LRRC49: variants seen among roughly 807,000 people sequenced by gnomAD.
The protein encoded by LRRC49 is leucine-rich repeat-containing protein 49.
A neutral mutation model predicts 83.3 loss-of-function variants in LRRC49; 50 were observed. That is an observed-to-expected ratio of 0.60 (90% confidence interval 0.48 to 0.76). The LOEUF is 0.76. LRRC49 is among the 30% of genes least tolerant of loss of function. The pLI is 0.00. For missense variants in LRRC49, 704 were observed against 809.1 expected (o/e 0.87, Z 1.58); for synonymous variants, 286 against 283.3 (o/e 1.01, Z -0.10).
rs1381426034 is a variant in LRRC49 at position 71,053,242 on chromosome 15, A to G, written c.*3630A>G. 2.0e-5 allele frequency: 3 copies of G among 152,208 alleles called. No homozygotes were observed. Among genetic ancestry groups the G allele is most frequent in the Non-Finnish European group, 4.4e-5 (3 of 68,046 alleles). 9.4% of individuals were successfully genotyped at this position (152,208 alleles called of 1,614,324 possible). A position where few individuals can be genotyped will look rare whatever the true frequency, so the allele number is the denominator to read the frequency against. ...GTTGGATCTTGGGTATATTTTAAAGATGAAGCAACAAGATTTACTGACAGA... is the reference window on the plus strand; with the variant it reads ...GTTGGATCTTGGGTATATTTTAAAGGTGAAGCAACAAGATTTACTGACAGA... On this transcript the variant is annotated 3_prime_UTR_variant, in exon 16 of 16. Transcript: ENST00000260382.
chr15:70,913,118 T>C (rs1015310338), intron 6 of LRRC49, among the ~76,000 whole-genome samples: 1 of 152,252 alleles, frequency 6.6e-6, no homozygotes, highest in Non-Finnish European at 1.5e-5. Context: ...TACATACTTA[T>C]GCAGAATGTA....
At chr15:70,854,588 G>A (rs1240730814) in intron 1 of LRRC49, among the ~76,000 whole-genome samples, 1 of 152,206 alleles carries the variant, frequency 6.6e-6, no homozygotes, top group Non-Finnish European at 1.5e-5. Flanking sequence ...GGCCTGCCAA[G>A]ATCAGAAAAT....
At chr15:70,908,151 T>C (rs1270209042) in intron 5 of LRRC49, among the ~76,000 whole-genome samples, 1 of 152,202 alleles carries the variant, frequency 6.6e-6, no homozygotes, top group East Asian at 1.9e-4. Context: ...GATCCGAATC[T>C]GATGTGAGAG....
chr15:70,882,596 T>G (rs768837499), intron 2 of LRRC49: 1 of 1,614,082 alleles, frequency 6.2e-7, no homozygotes, highest in South Asian at 1.1e-5. Context: ...TTCCTCTGTC[T>G]GAGTAGTTGC....
At chr15:71,010,222 T>C (rs2038605264) in intron 13 of LRRC49, among the ~76,000 whole-genome samples, 1 of 152,014 alleles carries the variant, frequency 6.6e-6, no homozygotes, top group Admixed American at 6.6e-5. Flanking sequence ...AAATGGCAAA[T>C]ACTTATACTG....
intron 14 of LRRC49, among the ~76,000 whole-genome samples, chr15:71,013,225 A>G (rs1458415946): frequency 1.3e-5 from 2 of 152,186 alleles, no homozygotes; most frequent in Non-Finnish European, 2.9e-5. Context: ...AGGAGAAAAC[A>G]TTTTATCTAG....
intron 3 of LRRC49, among the ~76,000 whole-genome samples, chr15:70,898,825 G>T (rs2033946700): frequency 6.6e-6 from 1 of 151,970 alleles, no homozygotes; most frequent in Admixed American, 6.6e-5. Context: ...GTAACAAACT[G>T]TTATGATGAA....
chr15:70,934,087 T>C (rs1406010028), intron 7 of LRRC49, among the ~76,000 whole-genome samples: 1 of 152,154 alleles, frequency 6.6e-6, no homozygotes, highest in African/African-American at 2.4e-5. Flanking sequence ...ATTTCATCCT[T>C]GGATTTCTCT....
Position 70,907,824 on chromosome 15 carries a change from T to A in LRRC49, c.500+3069T>A, listed in dbSNP as rs902230934. Reference sequence around the variant, plus strand: ...AGTTTCTATTCAATGGAAGAACTTCTTTTTTAAATAAATCTTTCAGGTCAC... The same window carrying A: ...AGTTTCTATTCAATGGAAGAACTTCATTTTTAAATAAATCTTTCAGGTCAC... On this transcript the variant is annotated intron_variant, in intron 5 of 15. Transcript: ENST00000260382. 4.4e-5 allele frequency: 17 copies of A among 382,170 alleles called. No individual in the cohort carries two copies. The Admixed American group carries it at 5.1e-4, about 12-fold the overall frequency. The allele number at this position is 382,170 out of a possible 1,614,324, so 23.7% of individuals were successfully genotyped here.
chr15:71,044,343 C>T (rs529707622), intron 15 of LRRC49, among the ~76,000 whole-genome samples: 1 of 152,212 alleles, frequency 6.6e-6, no homozygotes, highest in Admixed American at 6.5e-5. Context: ...GCATTTTGAC[C>T]TGTGAATGGT....
chr15:71,003,805 A>C (rs1220194788), intron 11 of LRRC49, among the ~76,000 whole-genome samples: 2 of 152,242 alleles, frequency 1.3e-5, no homozygotes, highest in Non-Finnish European at 2.9e-5. Context: ...CAGATCTGGA[A>C]TTTGAACTAA....
chr15:70,908,323 G>A (rs2034403691), intron 5 of LRRC49, among the ~76,000 whole-genome samples: 1 of 152,194 alleles, frequency 6.6e-6, no homozygotes, highest in Non-Finnish European at 1.5e-5. Flanking sequence ...TGAGGAGGAT[G>A]GAGGAGGAGA....
At chr15:70,917,536 C>T (rs2034833285) in intron 6 of LRRC49, among the ~76,000 whole-genome samples, 1 of 152,204 alleles carries the variant, frequency 6.6e-6, no homozygotes, top group Non-Finnish European at 1.5e-5. Flanking sequence ...AGGAGCAACT[C>T]ACTCTAGGGC....
Position 71,049,657 on chromosome 15 carries a change from A to T in LRRC49, c.*45A>T. On this transcript the variant is annotated 3_prime_UTR_variant, in exon 16 of 16. Transcript: ENST00000260382. ...TTGATTTTGGCAGTTTTATTTTTTG[A>T]AGGTTGAAAATATGCAGGTTATACA... is the stretch of plus-strand genomic sequence containing the variant. The T allele has an allele frequency of 2.2e-6, 3 of 1,344,740 alleles. No individual in the cohort carries two copies. The South Asian group carries it at 3.7e-5, about 16-fold the overall frequency. The allele number at this position is 1,344,740 out of a possible 1,614,324, so 83.3% of individuals were successfully genotyped here.
chr15:70,916,604 A>C (rs2141129504), intron 6 of LRRC49, among the ~76,000 whole-genome samples: 1 of 152,286 alleles, frequency 6.6e-6, no homozygotes, highest in South Asian at 2.1e-4. Flanking sequence ...CTCAGTGCTG[A>C]TTATTAACGG....
intron 11 of LRRC49, among the ~76,000 whole-genome samples, chr15:70,993,997 C>T (rs1283933928): frequency 6.6e-6 from 1 of 151,946 alleles, no homozygotes; most frequent in Non-Finnish European, 1.5e-5. Flanking sequence ...CAGGTGCCCA[C>T]CACCACACCT....
chr15:70,898,039 A>G (rs1392506933), intron 3 of LRRC49, among the ~76,000 whole-genome samples: 2 of 152,214 alleles, frequency 1.3e-5, no homozygotes, highest in African/African-American at 4.8e-5. Context: ...GACATGGCCG[A>G]GTGGACACAC....
chr15:70,899,555 T>C (rs2033982446), intron 3 of LRRC49, among the ~76,000 whole-genome samples: 1 of 152,174 alleles, frequency 6.6e-6, no homozygotes, highest in African/African-American at 2.4e-5. Flanking sequence ...ATTATCTTGA[T>C]ATTTTGTAAT....
At chr15:71,006,551 T>A (rs185421464) in intron 11 of LRRC49, among the ~76,000 whole-genome samples, 2 of 152,194 alleles carry the variant, frequency 1.3e-5, no homozygotes, top group Non-Finnish European at 2.9e-5. Context: ...GGTTCAAACA[T>A]CCTTCTTAAG....
Sources: gnomAD v4.1 joint callset for allele counts (sites outside exome capture counted in the v4.1 genomes callset) on GRCh38, gnomAD v4.1.1 for gene constraint, MANE v1.5 for transcripts, NCBI Gene and HGNC (gene_info 2026-07-23, HGNC 2026-07-21) for gene names.